RGSL1: variants seen among roughly 807,000 people sequenced by gnomAD.
RGSL1 encodes the protein regulator of G protein signaling protein-like.
Under a neutral mutation model 124.7 loss-of-function variants are expected in RGSL1, and 97 were observed. The observed-to-expected ratio is 0.78, with a 90% CI of 0.66 to 0.92. The LOEUF is 0.92. Among genes scored for constraint, RGSL1 ranks in the 40% least tolerant of loss-of-function variants. The probability of loss-of-function intolerance (pLI) is 0.00; values close to 1 mark genes in which losing one functional copy is unlikely to be tolerated. For missense variants in RGSL1, 1,233 were observed against 1,288.4 expected (o/e 0.96, Z 0.66); for synonymous variants, 424 against 438.1 (o/e 0.97, Z 0.40).
Position 182,522,012 on chromosome 1 carries a change from A to G in RGSL1, c.1834A>G (p.Met612Val). 6.5e-7 allele frequency: 1 copy of G among 1,535,370 alleles called. No individual in the cohort carries two copies. Among genetic ancestry groups the G allele is most frequent in the South Asian group, 1.2e-5 (1 of 80,794 alleles). Residue 612 changes from methionine to valine, a missense_variant, in exon 10 of 22, where the codon ATG becomes GTG. Physicochemically the swap from Met to Val is conservative, Grantham distance 21. Transcript: ENST00000294854. ...AGTGATTTTTTTTTTAGATTTTAAA[A>G]TGGAAATTATCAAGGAAACAAAGAC... ...CEKAPKIDFK[M>V]EIIKETKTVS...
At chr1:182,461,359 A>AC (rs1343893560) in intron 4 of RGSL1, among the ~76,000 whole-genome samples, 1 of 150,674 alleles carries the variant, frequency 6.6e-6, no homozygotes, top group Non-Finnish European at 1.5e-5. Flanking sequence ...AACAACAAAA[A>AC]CCCCCCCAGC....
chr1:182,498,088 A>C (rs1656063366), intron 9 of RGSL1, among the ~76,000 whole-genome samples: 1 of 152,112 alleles, frequency 6.6e-6, no homozygotes, highest in Admixed American at 6.5e-5. Context: ...TTCATGATTA[A>C]TAAGTATTGT....
rs764721094 is a variant in RGSL1, at chr1:182,460,169, T to C, written c.301+36T>C. 3.7e-5 allele frequency: 56 copies of C among 1,519,198 alleles called. No individual in the cohort carries two copies. In the South Asian group the frequency reaches 4.7e-4, roughly 13 times the overall value. 94.1% of individuals were successfully genotyped at this position (1,519,198 alleles called of 1,614,324 possible). Reference sequence around the variant, plus strand: ...GTGTGCATGCGTGTGTCTGTGTGTGTGTGTGTGTGTGTGTGTAGAAATATA... The same window carrying C: ...GTGTGCATGCGTGTGTCTGTGTGTGCGTGTGTGTGTGTGTGTAGAAATATA... On this transcript the variant is annotated intron_variant, in intron 4 of 21. Coordinates refer to ENST00000294854, the MANE Select transcript of RGSL1 (RefSeq NM_001137669.2).
intron 2 of RGSL1, among the ~76,000 whole-genome samples, chr1:182,456,881 G>C (rs1383288931): frequency 2.0e-5 from 3 of 151,958 alleles, no homozygotes; most frequent in Non-Finnish European, 4.4e-5. Flanking sequence ...GAAGTTAAAT[G>C]ATTTGCTGTA....
intron 8 of RGSL1, among the ~76,000 whole-genome samples, chr1:182,491,925 C>A (rs1655554405): frequency 6.6e-6 from 1 of 152,150 alleles, no homozygotes; most frequent in South Asian, 2.1e-4. Flanking sequence ...ACATCTCTTG[C>A]TATCTCAGCC....
chr1:182,544,944 C>T (rs1421302593), intron 15 of RGSL1, among the ~76,000 whole-genome samples: 1 of 151,998 alleles, frequency 6.6e-6, no homozygotes, highest in East Asian at 1.9e-4. Flanking sequence ...TTTATCCATT[C>T]AGCCACTATA....
chr1:182,533,445 G>A (rs899571697), intron 14 of RGSL1, among the ~76,000 whole-genome samples: 2 of 122,910 alleles, frequency 1.6e-5, no homozygotes, highest in South Asian at 2.3e-4. Flanking sequence ...TTTAACACAC[G>A]TTTTGAGAAT....
At chr1:182,536,833 C>T (rs2102288327) in intron 14 of RGSL1, among the ~76,000 whole-genome samples, 1 of 152,260 alleles carries the variant, frequency 6.6e-6, no homozygotes, top group African/African-American at 2.4e-5. Flanking sequence ...CGGGAAAGAC[C>T]TGCCCCCATG....
intron 9 of RGSL1, among the ~76,000 whole-genome samples, chr1:182,509,913 C>A (rs1419384129): frequency 2.1e-5 from 3 of 142,580 alleles, no homozygotes; most frequent in East Asian, 4.3e-4. Flanking sequence ...AGGCTCCTCA[C>A]TTCTCAGACG....
At position 182,458,397 on chromosome 1, in the gene RGSL1, A is replaced by G; in HGVS notation, c.171+4A>G. On this transcript the variant is annotated splice_donor_region_variant and intron_variant, in intron 3 of 21. Transcript: ENST00000294854. ...GCCAGAAATACCTTGTAACTTGGTGAGTAAAATTCTTCAGAGGTAGAGAGT... is the reference window on the plus strand; with the variant it reads ...GCCAGAAATACCTTGTAACTTGGTGGGTAAAATTCTTCAGAGGTAGAGAGT... The G allele has an allele frequency of 1.9e-6, 3 of 1,549,884 alleles. No individual in the cohort carries two copies. The highest frequency in any genetic ancestry group is 2.6e-6 in the Non-Finnish European group (3 of 1,145,094).
At chr1:182,519,113 T>C (rs974977627) in intron 9 of RGSL1, among the ~76,000 whole-genome samples, 13 of 152,214 alleles carry the variant, frequency 8.5e-5, no homozygotes, top group African/African-American at 3.1e-4. Flanking sequence ...CCCTGACATA[T>C]TAAAGTTTGA....
chr1:182,497,240 T>A (rs1018361029), intron 9 of RGSL1, among the ~76,000 whole-genome samples: 27 of 150,478 alleles, frequency 1.8e-4, no homozygotes, highest in African/African-American at 5.6e-4. Flanking sequence ...GATAGATAGA[T>A]AGATAGATAG....
chr1:182,459,692 C>G (rs764312009), intron 3 of RGSL1, among the ~76,000 whole-genome samples: 29 of 152,166 alleles, frequency 1.9e-4, no homozygotes, highest in Non-Finnish European at 4.1e-4. Flanking sequence ...TTCTGCTTTT[C>G]TTCTGTCAAG....
Position 182,540,365 on chromosome 1 carries a change from G to A in RGSL1, c.2613G>A (p.Arg871=). The change falls in exon 15 of 22, where the codon AGG becomes AGA. Residue 871 remains arginine, a synonymous_variant. Transcript: ENST00000294854. ...TLVKRRIFGH[R]IITVNFAIND... ...TAAAGCGTCGTATATTTGGCCACAG[G>A]ATTATCACTGTCAACTTTGCGATCA... 1.3e-6 allele frequency: 2 copies of A among 1,551,246 alleles called. No homozygotes were observed. Among genetic ancestry groups the A allele is most frequent in the Non-Finnish European group, 1.7e-6 (2 of 1,146,720 alleles).
rs1469972261 is a variant in RGSL1 at position 182,458,466 on chromosome 1, A to ATTTGTT, written c.171+88_171+93dup. Reference sequence around the variant, plus strand: ...GAACTATAATTGTTTTTTGTTGTTAATTTGTTTTTGTTTTTGTTTTGGAGA... The same window carrying ATTTGTT: ...GAACTATAATTGTTTTTTGTTGTTAATTTGTTTTTGTTTTTGTTTTTGTTTTGGAGA... On this transcript the variant is annotated intron_variant, in intron 3 of 21. Coordinates refer to ENST00000294854, the MANE Select transcript of RGSL1 (RefSeq NM_001137669.2). 4.2e-5 allele frequency: 55 copies of ATTTGTT among 1,322,550 alleles called. No homozygotes were observed. In the Admixed American group the frequency reaches 1.0e-3, roughly 25 times the overall value. 81.9% of individuals were successfully genotyped at this position (1,322,550 alleles called of 1,614,324 possible).
intron 6 of RGSL1, among the ~76,000 whole-genome samples, chr1:182,478,206 C>A (rs1363056677): frequency 1.3e-5 from 2 of 152,084 alleles, no homozygotes; most frequent in Non-Finnish European, 2.9e-5. Flanking sequence ...CCTTGGCCTC[C>A]CAAAGTGCTG....
At chr1:182,532,578 A>T in intron 13 of RGSL1, 84 bp from the exon 14 acceptor site, 1 of 1,345,982 alleles carries the variant, frequency 7.4e-7, no homozygotes, top group Non-Finnish European at 1.0e-6. Context: ...AAATGTAGTG[A>T]ATACCAAGTT....
Position 182,548,353 on chromosome 1 carries a change from G to T in RGSL1, c.2706G>T (p.Gln902His). The T allele has an allele frequency of 1.3e-6, 2 of 1,551,978 alleles. No homozygotes were observed. Among genetic ancestry groups the T allele is most frequent in the Non-Finnish European group, 1.7e-6 (2 of 1,147,044 alleles). The change falls in exon 16 of 22, where the codon CAG becomes CAT. Residue 902 changes from glutamine (Q) to histidine (H), a missense_variant. Transcript: ENST00000294854. ...TGGTCAGTTCAGCCCACATGCTGCA[G>T]GTCAACCGGGCATATAATGAGAATG... ...NDLVSSAHML[Q>H]VNRAYNENDV...
In RGSL1 at chr1:182,488,323, G is replaced by A. The variant is rs1338074011; in HGVS notation, c.1470G>A (p.Glu490=). The A allele has an allele frequency of 4.5e-6, 7 of 1,552,270 alleles. No individual in the cohort carries two copies. The South Asian group carries it at 4.8e-5, about 11-fold the overall frequency. Residue 490 remains glutamate (E), a synonymous_variant, in exon 7 of 22, where the codon GAG becomes GAA. Coordinates refer to ENST00000294854, the MANE Select transcript of RGSL1 (RefSeq NM_001137669.2). ...GGTATGATGAGTTTCTAGATGAAGA[G>A]GACTACTGGTTTCTCCTTTTTACGG... is the stretch of plus-strand genomic sequence containing the variant. The part of the protein sequence containing the change: ...SPWYDEFLDE[E]DYWFLLFTTQ...
Sources: gnomAD v4.1 joint callset for allele counts (sites outside exome capture counted in the v4.1 genomes callset) on GRCh38, gnomAD v4.1.1 for gene constraint, MANE v1.5 for transcripts, NCBI Gene and HGNC (gene_info 2026-07-23, HGNC 2026-07-21) for gene names.